AFG2A: variants seen among roughly 807,000 people sequenced by gnomAD.
AFG2A encodes AAA ATPase AFG2A.
At chr4:123,047,290 C>T in the AFG2A span, among the ~76,000 whole-genome samples, 1 of 152,170 alleles carries the variant, frequency 6.6e-6, no homozygotes, top group Non-Finnish European at 1.5e-5. Context: ...AATAACCATT[C>T]TAACTTGCAT....
the AFG2A span, among the ~76,000 whole-genome samples, chr4:122,989,497 G>A: frequency 1.3e-5 from 2 of 152,278 alleles, no homozygotes; most frequent in Non-Finnish European, 1.5e-5. Context: ...TGAAGGCTGA[G>A]TTCATGGATG....
At chr4:123,130,182 A>G in the AFG2A span, among the ~76,000 whole-genome samples, 258 of 74,532 alleles carry the variant, frequency 3.5e-3, 1 homozygote, top group Non-Finnish European at 6.1e-3. Context: ...TAATATATAT[A>G]TATTTTTTAA....
At chr4:123,178,094 C>A in the AFG2A span, among the ~76,000 whole-genome samples, 1,935 of 152,266 alleles carry the variant, frequency 0.013, 17 homozygotes, top group African/African-American at 0.019. Flanking sequence ...AAGACTCTTT[C>A]TATAAAGCTT....
At chr4:122,959,968 GT>G in the AFG2A span, among the ~76,000 whole-genome samples, 5 of 152,154 alleles carry the variant, frequency 3.3e-5, no homozygotes, top group African/African-American at 1.2e-4. Context: ...AACGTTTGGT[GT>G]TTGTGATTGG....
chr4:122,939,287 G>C, the AFG2A span, among the ~76,000 whole-genome samples: 1 of 151,864 alleles, frequency 6.6e-6, no homozygotes, highest in African/African-American at 2.4e-5. Flanking sequence ...GTTTCTCCAT[G>C]TTCAGGCTGG....
the AFG2A span, among the ~76,000 whole-genome samples, chr4:123,206,152 A>G: frequency 6.6e-6 from 1 of 152,134 alleles, no homozygotes; most frequent in African/African-American, 2.4e-5. Context: ...ATGTCTACAC[A>G]TGATCAGACC....
At chr4:122,983,189 TA>T in the AFG2A span, among the ~76,000 whole-genome samples, 1 of 152,128 alleles carries the variant, frequency 6.6e-6, no homozygotes, top group African/African-American at 2.4e-5. Flanking sequence ...TTCTTTTTTT[TA>T]TAGTAGTCTA....
chr4:123,140,176 T>C, the AFG2A span, among the ~76,000 whole-genome samples: 1 of 152,238 alleles, frequency 6.6e-6, no homozygotes, highest in Non-Finnish European at 1.5e-5. Context: ...TAACCTTTAG[T>C]TGAGTAAATG....
chr4:122,971,013 C>G, the AFG2A span, among the ~76,000 whole-genome samples: 2 of 152,110 alleles, frequency 1.3e-5, no homozygotes, highest in African/African-American at 4.8e-5. Context: ...GTCATGAACT[C>G]CTGACCTCAA....
chr4:123,055,004 C>T, the AFG2A span, among the ~76,000 whole-genome samples: 1 of 152,110 alleles, frequency 6.6e-6, no homozygotes, highest in Non-Finnish European at 1.5e-5. Context: ...CCTCTGTTAT[C>T]ACTTAACTTT....
chr4:123,047,165 A>G, the AFG2A span, among the ~76,000 whole-genome samples: 6 of 151,550 alleles, frequency 4.0e-5, no homozygotes, highest in Admixed American at 3.3e-4. Context: ...TTTTTGAGGA[A>G]CCTCCCCACT....
chr4:123,057,398 T>C, the AFG2A span: 1 of 1,225,616 alleles, frequency 8.2e-7, no homozygotes, highest in Admixed American at 2.6e-5. Flanking sequence ...ATTAATACAT[T>C]TGGCCTAAAA....
At chr4:123,279,584 A>G in the AFG2A span, among the ~76,000 whole-genome samples, 1 of 152,228 alleles carries the variant, frequency 6.6e-6, no homozygotes, top group African/African-American at 2.4e-5. Flanking sequence ...TAATAGGTAT[A>G]GTAGTTATAA....
chr4:123,006,425 T>C, the AFG2A span, among the ~76,000 whole-genome samples: 2 of 152,140 alleles, frequency 1.3e-5, no homozygotes, highest in African/African-American at 4.8e-5. Context: ...ATATTTGAGC[T>C]TACAGTGTTA....
the AFG2A span, among the ~76,000 whole-genome samples, chr4:123,028,725 TTAAAGA>T: frequency 6.6e-6 from 1 of 152,164 alleles, no homozygotes; most frequent in African/African-American, 2.4e-5. Flanking sequence ...TAACCAGGAC[TTAAAGA>T]TAAACATGAC....
At chr4:123,272,925 CAG>C in the AFG2A span, among the ~76,000 whole-genome samples, 2 of 151,798 alleles carry the variant, frequency 1.3e-5, no homozygotes, top group African/African-American at 2.4e-5. Context: ...GGAGAGTCAG[CAG>C]AGAGAATAGA....
the AFG2A span, among the ~76,000 whole-genome samples, chr4:123,137,358 G>A: frequency 6.6e-6 from 1 of 152,188 alleles, no homozygotes; most frequent in African/African-American, 2.4e-5. Context: ...AAGTGTAATT[G>A]TGGATTTCTC....
chr4:123,291,103 A>T, the AFG2A span, among the ~76,000 whole-genome samples: 1 of 151,942 alleles, frequency 6.6e-6, no homozygotes, highest in Non-Finnish European at 1.5e-5. Flanking sequence ...ATTGATTTAA[A>T]CTGTTTAATC....
the AFG2A span, among the ~76,000 whole-genome samples, chr4:123,067,990 A>G: frequency 6.6e-6 from 1 of 152,156 alleles, no homozygotes; most frequent in Non-Finnish European, 1.5e-5. Flanking sequence ...GTGGTCCTAT[A>G]TGTCTTTTGA....
Sources: allele counts gnomAD v4.1 joint callset (sites outside exome capture counted in the v4.1 genomes callset), GRCh38; gene constraint gnomAD v4.1.1; transcripts MANE v1.5; gene names NCBI Gene and HGNC (gene_info 2026-07-23, HGNC 2026-07-21).